The following SPI1 variants were observed in gnomAD, a reference collection of about 807,000 sequenced individuals.
The protein encoded by SPI1 is transcription factor PU.1.
Under a neutral mutation model 30.7 loss-of-function variants are expected in SPI1, and 3 were observed. The observed-to-expected ratio is 0.10, with a 90% CI of 0.04 to 0.25. The LOEUF is 0.25. Among genes scored for constraint, SPI1 ranks in the 10% least tolerant of loss-of-function variants. SPI1 has a pLI of 1.00. For missense variants in SPI1, 261 were observed against 371.5 expected (o/e 0.70, Z 2.45); for synonymous variants, 169 against 157.1 (o/e 1.08, Z -0.56).
At chr11:47,365,886 G>A (rs1251046192) in intron 2 of SPI1, among the ~76,000 whole-genome samples, 1 of 152,106 alleles carries the variant, frequency 6.6e-6, no homozygotes, top group East Asian at 1.9e-4. Flanking sequence ...TAGTATAAAT[G>A]GGGTTTCACC....
intron 2 of SPI1, among the ~76,000 whole-genome samples, chr11:47,368,284 G>C (rs2095931223): frequency 2.0e-5 from 3 of 152,174 alleles, no homozygotes; most frequent in African/African-American, 4.8e-5. Context: ...AGAATCACTT[G>C]AACCTGGGAG....
At chr11:47,356,061 TCA>T (rs2095908376) in intron 4 of SPI1, among the ~76,000 whole-genome samples, 1 of 148,662 alleles carries the variant, frequency 6.7e-6, no homozygotes, top group Non-Finnish European at 1.5e-5. Context: ...GCTCACAGAC[TCA>T]CACCCACATG....
At chr11:47,356,866 ATC>A (rs1377032191) in intron 4 of SPI1, among the ~76,000 whole-genome samples, 2 of 145,412 alleles carry the variant, frequency 1.4e-5, no homozygotes, top group African/African-American at 2.6e-5. Context: ...GCTCACACAC[ATC>A]TCACATTACT....
At position 47,378,326 on chromosome 11, in the gene SPI1, A is replaced by G. The variant is rs766553435; in HGVS notation, c.28T>C (p.Phe10Leu). Residue 10 changes from phenylalanine (F) to leucine (L), a missense_variant, in exon 1 of 5, where the codon TTT becomes CTT. Physicochemically the swap from Phe to Leu is conservative, Grantham distance 22 (BLOSUM62 0). Transcript: ENST00000378538. The stretch of plus-strand genomic sequence containing the variant: ...GTACTCACAGGGGGGACGAGGGGAA[A>G]CCCTTCCATTTTGCACGCCTGTAAC... Reference protein sequence around the residue: MLQACKMEGFPLVPPPSEDL... With the variant: MLQACKMEGLPLVPPPSEDL... 6.8e-6 allele frequency: 11 copies of G among 1,613,188 alleles called. No individual in the cohort carries two copies. The highest frequency in any genetic ancestry group is 9.3e-6 in the Non-Finnish European group (11 of 1,179,758).
At chr11:47,366,718 G>T (rs2095928631) in intron 2 of SPI1, among the ~76,000 whole-genome samples, 1 of 152,280 alleles carries the variant, frequency 6.6e-6, no homozygotes, top group Admixed American at 6.5e-5. Context: ...CTACTCAGGA[G>T]GCTGAGTCAG....
chr11:47,355,687 G>C (rs2095907124), intron 4 of SPI1, 141 bp from the exon 5 acceptor site: 2 of 666,156 alleles, frequency 3.0e-6, no homozygotes, highest in Non-Finnish European at 5.0e-6. Context: ...CGCCGGGCGT[G>C]CATACACAAC....
chr11:47,355,644 C>A (rs998267570), intron 4 of SPI1, 98 bp from the exon 5 acceptor site: 3 of 1,106,294 alleles, frequency 2.7e-6, no homozygotes, highest in Non-Finnish European at 1.2e-6. Flanking sequence ...ACGGGGTGGC[C>A]GGGAAGGGCA....
intron 4 of SPI1, among the ~76,000 whole-genome samples, chr11:47,356,757 A>C (rs1233510197): frequency 1.4e-5 from 2 of 146,768 alleles, no homozygotes; most frequent in Non-Finnish European, 3.0e-5. Flanking sequence ...ACACATATCC[A>C]CTCACATATG....
chr11:47,366,922 AT>A (rs2095929182), intron 2 of SPI1, among the ~76,000 whole-genome samples: 1 of 152,262 alleles, frequency 6.6e-6, no homozygotes, highest in Non-Finnish European at 1.5e-5. Flanking sequence ...GATTCTAATT[AT>A]TAGAGTTTTA....
chr11:47,368,118 C>T (rs1456582762), intron 2 of SPI1, among the ~76,000 whole-genome samples: 2 of 152,118 alleles, frequency 1.3e-5, no homozygotes, highest in Non-Finnish European at 2.9e-5. Context: ...GTATTCCCAG[C>T]ACTTTGCGAG....
intron 4 of SPI1, among the ~76,000 whole-genome samples, chr11:47,356,892 ACG>A (rs1381599277): frequency 7.0e-6 from 1 of 143,764 alleles, no homozygotes; most frequent in Non-Finnish European, 1.5e-5. Context: ...CTACACACAC[ACG>A]CCCCTGCTCA....
intron 2 of SPI1, among the ~76,000 whole-genome samples, chr11:47,362,326 C>T (rs2095921977): frequency 6.6e-6 from 1 of 152,018 alleles, no homozygotes; most frequent in Non-Finnish European, 1.5e-5. Context: ...TCCCAGCTAC[C>T]CAGGAGGCTG....
In SPI1 at chr11:47,374,980, G is replaced by T. The variant is rs913769221; in HGVS notation, c.142+653C>A. On this transcript the variant is annotated intron_variant, in intron 2 of 4. Coordinates refer to ENST00000378538, the MANE Select transcript of SPI1 (RefSeq NM_003120.3). This position sits in a 1 kb window ranked among gnomAD's most constrained non-coding sequence, Gnocchi z 4.5. ...TTCGGCCCAGCAGTTCCCAATTAGG[G>T]GTGATTTTGCCTCCCGGGGGGATCT... 1.3e-5 allele frequency among the ~76,000 whole-genome samples: 2 copies of T among 152,244 alleles called. No individual in the cohort carries two copies. The highest frequency in any genetic ancestry group is 2.9e-5 in the Non-Finnish European group (2 of 68,046).
Position 47,358,904 on chromosome 11 carries a change from C to T in SPI1, c.433G>A (p.Val145Met), listed in dbSNP as rs2142883202. 1 of 1,566,578 alleles carries T rather than the reference C, an allele frequency of 6.4e-7. No individual in the cohort carries two copies. The highest frequency in any genetic ancestry group is 8.6e-7 in the Non-Finnish European group (1 of 1,156,108). Reference protein sequence around the residue: ...EGERQSPPLEVSDGEADGLEP... With the variant: ...EGERQSPPLEMSDGEADGLEP... The stretch of plus-strand genomic sequence containing the variant: ...AGGCCATCCGCCTCGCCGTCAGACA[C>T]CTCCAGTGGGGGGCTCTGCCGCTCG... Residue 145 changes from valine to methionine, a missense_variant, in exon 4 of 5, where the codon GTG becomes ATG. By Grantham distance (21) the Val-to-Met change is conservative. Coordinates refer to ENST00000378538, the MANE Select transcript of SPI1 (RefSeq NM_003120.3).
chr11:47,366,735 T>G (rs1293364078), intron 2 of SPI1, among the ~76,000 whole-genome samples: 1 of 151,994 alleles, frequency 6.6e-6, no homozygotes, highest in Non-Finnish European at 1.5e-5. Context: ...TCAGGAGAAT[T>G]ACTTGAACCC....
Position 47,359,724 on chromosome 11 carries a change from A to T in SPI1, c.330+129T>A. 1 of 1,051,784 alleles carries T rather than the reference A, an allele frequency of 9.5e-7. No homozygotes were observed. Among genetic ancestry groups the T allele is most frequent in the Non-Finnish European group, 1.4e-6 (1 of 729,152 alleles). 65.2% of individuals were successfully genotyped at this position (1,051,784 alleles called of 1,614,324 possible). On this transcript the variant is annotated intron_variant, in intron 3 of 4. Transcript: ENST00000378538. The surrounding 1 kb of genome is among the most constrained non-coding windows in gnomAD (Gnocchi z 5.1). ...GTCAGGCGGCAGCCGTTGGAGCTCC[A>T]GCCGCCGTTGGCACTGTGGGGCAGG...
At position 47,358,429 on chromosome 11, in the gene SPI1, T is replaced by G. The variant is rs1280787402; in HGVS notation, c.493+415A>C. On this transcript the variant is annotated intron_variant, in intron 4 of 4. Transcript: ENST00000378538. ...GCTCACACGCACTGAAATACATTCATGTGTTGACAGACACACAAACATGGC... is the reference window on the plus strand; with the variant it reads ...GCTCACACGCACTGAAATACATTCAGGTGTTGACAGACACACAAACATGGC... The G allele has an allele frequency of 9.5e-6, 6 of 633,252 alleles. No homozygotes were observed. The East Asian group carries it at 1.6e-4, about 17-fold the overall frequency. 39.2% of individuals were successfully genotyped at this position (633,252 alleles called of 1,614,324 possible). A position where few individuals can be genotyped will look rare whatever the true frequency, so the allele number is the denominator to read the frequency against.
At chr11:47,363,595 C>T (rs952238100) in intron 2 of SPI1, among the ~76,000 whole-genome samples, 2 of 152,092 alleles carry the variant, frequency 1.3e-5, no homozygotes, top group Non-Finnish European at 2.9e-5. Context: ...TCAAGTGATC[C>T]TCCCACCTCA....
intron 2 of SPI1, among the ~76,000 whole-genome samples, chr11:47,370,457 A>G (rs867874489): frequency 8.6e-5 from 13 of 151,802 alleles, no homozygotes; most frequent in South Asian, 2.1e-4. Context: ...TAATTCCAGC[A>G]CTTTGGGAGT....
Sources: gnomAD v4.1 joint callset for allele counts (sites outside exome capture counted in the v4.1 genomes callset) on GRCh38, gnomAD v4.1.1 for gene constraint, Gnocchi (gnomAD v3.1) non-coding constraint, MANE v1.5 for transcripts, NCBI Gene and HGNC (gene_info 2026-07-23, HGNC 2026-07-21) for gene names.